The following ADGRB3 variants were observed in gnomAD, a reference collection of about 807,000 sequenced individuals.
The protein encoded by ADGRB3 is brain-specific angiogenesis inhibitor 3.
ADGRB3 carries 37 observed loss-of-function variants against 193.4 expected under a neutral mutation model. The observed-to-expected ratio is 0.19, with a 90% CI of 0.15 to 0.25. The LOEUF is 0.25. ADGRB3 is among the 10% of genes least tolerant of loss of function. ADGRB3 has a pLI of 1.00. For synonymous variants in ADGRB3, 690 were observed against 644.2 expected, an observed-to-expected ratio of 1.07 and a Z score of -1.08; for missense variants, 1,637 against 1,852.9, an observed-to-expected ratio of 0.88 and a Z score of 2.14.
intron 30 of ADGRB3, among the ~76,000 whole-genome samples, chr6:69,376,431 C>A (rs1457933264): frequency 6.6e-6 from 1 of 151,802 alleles, no homozygotes; most frequent in Admixed American, 6.6e-5. Flanking sequence ...TAGGATATTT[C>A]TCTGAGTTTT....
chr6:69,129,214 G>A (rs998061234), intron 17 of ADGRB3, among the ~76,000 whole-genome samples: 1 of 152,126 alleles, frequency 6.6e-6, no homozygotes, highest in Non-Finnish European at 1.5e-5. Flanking sequence ...CACACAATTA[G>A]TGTGTAAGGT....
chr6:69,228,953 C>T (rs963146686), intron 17 of ADGRB3, among the ~76,000 whole-genome samples: 8 of 152,144 alleles, frequency 5.3e-5, no homozygotes, highest in Admixed American at 2.0e-4. Context: ...TGACTGCACA[C>T]TAAAATCATC....
intron 26 of ADGRB3, among the ~76,000 whole-genome samples, chr6:69,353,612 T>G (rs181910848): frequency 2.0e-5 from 3 of 152,210 alleles, no homozygotes; most frequent in Non-Finnish European, 4.4e-5. Context: ...CGTACAACAG[T>G]GGAATAAATC....
intron 20 of ADGRB3, among the ~76,000 whole-genome samples, chr6:69,322,451 C>T (rs1165366358): frequency 6.6e-6 from 1 of 151,876 alleles, no homozygotes; most frequent in Non-Finnish European, 1.5e-5. Flanking sequence ...AATGGCTGAA[C>T]CATTTACAAT....
chr6:68,905,692 C>T (rs571900587), intron 3 of ADGRB3, among the ~76,000 whole-genome samples: 3 of 152,262 alleles, frequency 2.0e-5, no homozygotes, highest in East Asian at 1.9e-4. Flanking sequence ...ATCATCCCCA[C>T]GTCTCCTTGC....
intron 17 of ADGRB3, among the ~76,000 whole-genome samples, chr6:69,147,671 T>G (rs1467809362): frequency 6.6e-6 from 1 of 152,222 alleles, no homozygotes; most frequent in African/African-American, 2.4e-5. Context: ...TGGGCTATAT[T>G]GAAGCTGAGT....
chr6:68,886,723 G>A (rs1366544548), intron 3 of ADGRB3, among the ~76,000 whole-genome samples: 1 of 151,882 alleles, frequency 6.6e-6, no homozygotes, highest in African/African-American at 2.4e-5. Flanking sequence ...TAGAACCATT[G>A]TTCATGTTTT....
At chr6:68,792,575 T>C (rs1311812727) in intron 3 of ADGRB3, among the ~76,000 whole-genome samples, 1 of 152,194 alleles carries the variant, frequency 6.6e-6, no homozygotes, top group East Asian at 1.9e-4. Flanking sequence ...TGTGTTGTCC[T>C]GGAACATACT....
intron 17 of ADGRB3, among the ~76,000 whole-genome samples, chr6:69,213,048 G>A (rs1038551016): frequency 3.3e-5 from 5 of 152,066 alleles, no homozygotes; most frequent in African/African-American, 7.2e-5. Flanking sequence ...ACATTAGTGC[G>A]GCTATAGATG....
intron 30 of ADGRB3, 92 bp from the exon 31 acceptor site, chr6:69,382,739 A>T: frequency 1.2e-6 from 1 of 847,212 alleles, no homozygotes; most frequent in Non-Finnish European, 1.8e-6. Flanking sequence ...AAACTTGATT[A>T]CCCTTATTAT....
chr6:69,289,490 C>G (rs1238935822), intron 20 of ADGRB3, among the ~76,000 whole-genome samples: 1 of 152,136 alleles, frequency 6.6e-6, no homozygotes, highest in Non-Finnish European at 1.5e-5. Context: ...GATTTAATTT[C>G]AGGTGTTACG....
At chr6:68,877,148 A>G (rs1765616118) in intron 3 of ADGRB3, among the ~76,000 whole-genome samples, 1 of 152,052 alleles carries the variant, frequency 6.6e-6, no homozygotes, top group Non-Finnish European at 1.5e-5. Flanking sequence ...TAGCCTTTAT[A>G]GTTCCCTTCA....
intron 3 of ADGRB3, among the ~76,000 whole-genome samples, chr6:68,718,424 C>G (rs1056553223): frequency 1.7e-4 from 26 of 151,754 alleles, no homozygotes; most frequent in Admixed American, 6.6e-5. Flanking sequence ...GATAGTTTTA[C>G]AAAACATGAC....
Position 68,863,672 on chromosome 6 carries a change from A to G in ADGRB3, c.758-66887A>G, listed in dbSNP as rs1481518489. 3.3e-5 allele frequency among the ~76,000 whole-genome samples: 5 copies of G among 152,154 alleles called. No homozygotes were observed. In the East Asian group the frequency reaches 9.6e-4, roughly 29 times the overall value. ...AAAATATACATATGAACACACTAAA[A>G]TTAAACTCTCAGCTTTTAGACTACT... On this transcript the variant is annotated intron_variant, in intron 3 of 31. Coordinates refer to ENST00000370598, the MANE Select transcript of ADGRB3 (RefSeq NM_001704.3).
At chr6:69,356,155 A>G (rs1199519503) in intron 28 of ADGRB3, among the ~76,000 whole-genome samples, 1 of 152,126 alleles carries the variant, frequency 6.6e-6, no homozygotes, top group African/African-American at 2.4e-5. Flanking sequence ...CAGGGTTTAT[A>G]TACCATAGGG....
intron 3 of ADGRB3, among the ~76,000 whole-genome samples, chr6:68,878,034 A>T (rs1463534257): frequency 6.6e-6 from 1 of 152,170 alleles, no homozygotes; most frequent in East Asian, 1.9e-4. Context: ...ACAGAGACTC[A>T]TGTCAGCTTT....
intron 15 of ADGRB3, among the ~76,000 whole-genome samples, chr6:69,055,447 G>C (rs1437991805): frequency 6.6e-6 from 1 of 152,112 alleles, no homozygotes; most frequent in Non-Finnish European, 1.5e-5. Flanking sequence ...CATTTGTCTT[G>C]TAGCATATGA....
intron 3 of ADGRB3, among the ~76,000 whole-genome samples, chr6:68,851,318 T>C (rs1180798060): frequency 6.6e-6 from 1 of 151,942 alleles, no homozygotes; most frequent in African/African-American, 2.4e-5. Flanking sequence ...TATAGTATCG[T>C]CTTTCCTTTT....
intron 3 of ADGRB3, among the ~76,000 whole-genome samples, chr6:68,791,088 A>G (rs997990768): frequency 6.6e-5 from 10 of 152,190 alleles, no homozygotes; most frequent in African/African-American, 2.2e-4. Context: ...TTAAGTGACA[A>G]ATTACATACT....
Sources: allele counts gnomAD v4.1 joint callset (sites outside exome capture counted in the v4.1 genomes callset), GRCh38; gene constraint gnomAD v4.1.1; transcripts MANE v1.5; gene names NCBI Gene and HGNC (gene_info 2026-07-23, HGNC 2026-07-21).